Variants in FIP1L1 observed in about 807,000 individuals in gnomAD.
FIP1L1 encodes the protein factor interacting with PAPOLA and CPSF1, also known as pre-mRNA 3'-end-processing factor FIP1.
In FIP1L1, 21 loss-of-function variants were observed where a neutral mutation model predicts 84.6. The ratio of observed to expected loss-of-function variants is 0.25; its 90% CI spans 0.18 to 0.36. The LOEUF is 0.36. Among genes scored for constraint, FIP1L1 ranks in the 10% least tolerant of loss-of-function variants. The pLI, the probability that FIP1L1 is intolerant of heterozygous loss-of-function variation, is 1.00. For synonymous variants in FIP1L1, 263 were observed against 242.3 expected, an observed-to-expected ratio of 1.09 and a Z score of -0.80; for missense variants, 526 against 751.1, an observed-to-expected ratio of 0.70 and a Z score of 3.50.
At chr4:53,437,699 TTTTA>T (rs142843702) in intron 13 of FIP1L1, among the ~76,000 whole-genome samples, 78 of 150,718 alleles carry the variant, frequency 5.2e-4, no homozygotes, top group South Asian at 1.7e-3. Flanking sequence ...TCAAGGTAGT[TTTTA>T]TTTATTTATT....
chr4:53,427,895 C>T (rs1013686415), intron 12 of FIP1L1, 132 bp from the exon 13 acceptor site: 4 of 703,172 alleles, frequency 5.7e-6, no homozygotes, highest in African/African-American at 3.6e-5. Context: ...CTATTACTCT[C>T]CCCCCAAAAA....
At chr4:53,454,005 T>C (rs1579208939) in intron 16 of FIP1L1, among the ~76,000 whole-genome samples, 1 of 152,334 alleles carries the variant, frequency 6.6e-6, no homozygotes, top group East Asian at 1.9e-4. Context: ...AGTTTCATAA[T>C]CTTAAAACTT....
At chr4:53,420,544 G>A (rs1246470795) in intron 11 of FIP1L1, among the ~76,000 whole-genome samples, 3 of 151,556 alleles carry the variant, frequency 2.0e-5, no homozygotes, top group African/African-American at 7.3e-5. Context: ...TAAATTGTAT[G>A]TCCAGAAAAG....
intron 10 of FIP1L1, among the ~76,000 whole-genome samples, chr4:53,413,035 G>T (rs1396212905): frequency 6.6e-6 from 1 of 152,028 alleles, no homozygotes; most frequent in African/African-American, 2.4e-5. Context: ...TACAAATGTA[G>T]CTTATTTGTA....
At position 53,377,661 on chromosome 4, in the gene FIP1L1, G is replaced by T. The variant is rs1272908573; in HGVS notation, c.-178G>T. On this transcript the variant is annotated 5_prime_UTR_variant, in exon 1 of 18. Coordinates refer to ENST00000337488, the MANE Select transcript of FIP1L1 (RefSeq NM_030917.4). Reference sequence around the variant, plus strand: ...CTCCTGCGCATGCGCAGACGGACCTGCGCTGGAGGCTTCATCTTTGCCGCC... The same window carrying T: ...CTCCTGCGCATGCGCAGACGGACCTTCGCTGGAGGCTTCATCTTTGCCGCC... 6.9e-6 allele frequency: 4 copies of T among 580,312 alleles called. No individual in the cohort carries two copies. Among genetic ancestry groups the T allele is most frequent in the Non-Finnish European group, 1.2e-5 (4 of 341,062 alleles). 35.9% of individuals were successfully genotyped at this position (580,312 alleles called of 1,614,324 possible). A position where few individuals can be genotyped will look rare whatever the true frequency, so the allele number is the denominator to read the frequency against.
intron 10 of FIP1L1, among the ~76,000 whole-genome samples, chr4:53,409,340 G>T (rs1755736005): frequency 6.6e-6 from 1 of 152,186 alleles, no homozygotes; most frequent in African/African-American, 2.4e-5. Flanking sequence ...GCTGCTGTCT[G>T]ATCGTTCCTC....
intron 13 of FIP1L1, among the ~76,000 whole-genome samples, chr4:53,434,674 G>A (rs149411407): frequency 0.011 from 1,725 of 152,150 alleles, 39 homozygotes; most frequent in African/African-American, 0.039. Flanking sequence ...CTCCATGTTG[G>A]TCAGGCTGGT....
intron 9 of FIP1L1, among the ~76,000 whole-genome samples, chr4:53,397,504 T>C (rs995428789): frequency 6.6e-6 from 1 of 152,238 alleles, no homozygotes; most frequent in African/African-American, 2.4e-5. Context: ...TTTCTTCTCA[T>C]GGCTAAATTA....
intron 10 of FIP1L1, among the ~76,000 whole-genome samples, chr4:53,404,413 G>T (rs1177407574): frequency 6.6e-6 from 1 of 151,988 alleles, no homozygotes; most frequent in Non-Finnish European, 1.5e-5. Flanking sequence ...GTCTGTCATT[G>T]TTGGACATTT....
chr4:53,395,587 T>C (rs1421922810), intron 9 of FIP1L1, among the ~76,000 whole-genome samples: 9 of 152,200 alleles, frequency 5.9e-5, no homozygotes, highest in Non-Finnish European at 1.2e-4. Flanking sequence ...AAAGATGATA[T>C]AGTTATAAAC....
At chr4:53,401,926 G>C (rs1275036749) in intron 10 of FIP1L1, among the ~76,000 whole-genome samples, 1 of 152,100 alleles carries the variant, frequency 6.6e-6, no homozygotes, top group Non-Finnish European at 1.5e-5. Context: ...CTACAAAATG[G>C]AATTAGACCA....
chr4:53,426,186 A>G (rs545193421), intron 12 of FIP1L1, among the ~76,000 whole-genome samples: 2 of 152,196 alleles, frequency 1.3e-5, no homozygotes, highest in African/African-American at 4.8e-5. Flanking sequence ...CCTTGGTAGA[A>G]ACATAGTACA....
intron 10 of FIP1L1, among the ~76,000 whole-genome samples, chr4:53,403,591 T>G (rs141980508): frequency 1.2e-4 from 19 of 152,322 alleles, no homozygotes; most frequent in African/African-American, 4.6e-4. Context: ...ATTGTGGAAG[T>G]GTTTTCCCTG....
chr4:53,378,152 G>A, intron 1 of FIP1L1: 1 of 422,810 alleles, frequency 2.4e-6, no homozygotes. Context: ...GGCCGGGCCG[G>A]GCTGGGGGGC....
chr4:53,395,879 C>T (rs1746976684), intron 9 of FIP1L1, among the ~76,000 whole-genome samples: 1 of 151,774 alleles, frequency 6.6e-6, no homozygotes, highest in Admixed American at 6.6e-5. Context: ...ATATAGATAT[C>T]ACCCTGAGTA....
At chr4:53,429,011 C>T (rs2150025981) in intron 13 of FIP1L1, among the ~76,000 whole-genome samples, 1 of 152,340 alleles carries the variant, frequency 6.6e-6, no homozygotes. Flanking sequence ...TGTACTCTCA[C>T]TCACTTTTAT....
At chr4:53,389,745 A>G in intron 5 of FIP1L1, 64 bp from the exon 6 acceptor site, 1 of 1,212,738 alleles carries the variant, frequency 8.2e-7, no homozygotes, top group Non-Finnish European at 1.2e-6. Context: ...CAAATGGAAT[A>G]TATTACTGTT....
intron 5 of FIP1L1, among the ~76,000 whole-genome samples, chr4:53,387,494 A>G (rs1741730315): frequency 6.6e-6 from 1 of 152,244 alleles, no homozygotes; most frequent in Non-Finnish European, 1.5e-5. Context: ...TATAGGATCT[A>G]GCATTTAGAG....
At chr4:53,401,335 A>G (rs1196614848) in intron 10 of FIP1L1, among the ~76,000 whole-genome samples, 3 of 152,206 alleles carry the variant, frequency 2.0e-5, no homozygotes, top group Admixed American at 6.5e-5. Context: ...GGCTTTTCCT[A>G]TAAATTAAAT....
Sources: allele counts gnomAD v4.1 joint callset (sites outside exome capture counted in the v4.1 genomes callset), GRCh38; gene constraint gnomAD v4.1.1; transcripts MANE v1.5; gene names NCBI Gene and HGNC (gene_info 2026-07-23, HGNC 2026-07-21).